CNIH3: variants seen among roughly 807,000 people sequenced by gnomAD.
CNIH3 encodes the protein protein cornichon homolog 3.
Under a neutral mutation model 24.1 loss-of-function variants are expected in CNIH3, and 14 were observed. The observed-to-expected ratio is 0.58, with a 90% confidence interval of 0.38 to 0.91. The LOEUF is 0.91. Among genes scored for constraint, CNIH3 ranks in the 40% least tolerant of loss-of-function variants. CNIH3 has a pLI of 0.00. For synonymous variants in CNIH3, 68 were observed against 73.8 expected (o/e 0.92, Z 0.40); for missense variants, 178 against 196.8 (o/e 0.90, Z 0.57).
chr1:224,648,688 A>G (rs1260785737), intron 1 of CNIH3, among the ~76,000 whole-genome samples: 1 of 152,158 alleles, frequency 6.6e-6, no homozygotes, highest in Non-Finnish European at 1.5e-5. Flanking sequence ...ACTTCCCCCC[A>G]TGATGTTTCT....
intron 3 of CNIH3, among the ~76,000 whole-genome samples, chr1:224,692,534 C>T (rs1009324790): frequency 6.6e-6 from 1 of 152,102 alleles, no homozygotes; most frequent in Non-Finnish European, 1.5e-5. Flanking sequence ...ATCCTTGACG[C>T]AGAAGTTTTC....
chr1:224,597,723 A>G (rs1472446750), intron 3 of CNIH3, among the ~76,000 whole-genome samples: 2 of 152,180 alleles, frequency 1.3e-5, no homozygotes, highest in Non-Finnish European at 2.9e-5. Flanking sequence ...CATATCCTTT[A>G]TAATAAACTG....
At chr1:224,606,959 G>T (rs1199310714) in intron 3 of CNIH3, among the ~76,000 whole-genome samples, 2 of 152,170 alleles carry the variant, frequency 1.3e-5, no homozygotes, top group Admixed American at 1.3e-4. Context: ...AAGCAGGAAG[G>T]GGGCTCAAAG....
intron 4 of CNIH3, among the ~76,000 whole-genome samples, chr1:224,577,977 C>G (rs1681107678): frequency 6.6e-6 from 1 of 150,522 alleles, no homozygotes; most frequent in South Asian, 2.1e-4. Context: ...AATGGAAAAC[C>G]AAACATCCTA....
rs1386292783 is a variant in CNIH3 at position 224,447,336 on chromosome 1, G to T, written n.203+12474G>T. 2.0e-5 allele frequency among the ~76,000 whole-genome samples: 3 copies of T among 152,292 alleles called. No homozygotes were observed. In the East Asian group the frequency reaches 5.8e-4, roughly 29 times the overall value. On this transcript the variant is annotated intron_variant and non_coding_transcript_variant, in intron 1 of 5. Coordinates refer to the CNIH3 transcript ENST00000471578. ...CCAAGGCCAGAGAGCCGGGAGTTCTGATGACTGAGGGCAGGAGTAGGAGAG... is the reference window on the plus strand; with the variant it reads ...CCAAGGCCAGAGAGCCGGGAGTTCTTATGACTGAGGGCAGGAGTAGGAGAG...
chr1:224,448,006 C>T (rs1675234908), intron 1 of CNIH3, among the ~76,000 whole-genome samples: 1 of 152,212 alleles, frequency 6.6e-6, no homozygotes, highest in East Asian at 1.9e-4. Flanking sequence ...CTGGCAGTCA[C>T]TAGAGCCCAT....
chr1:224,651,163 G>A (rs1684840448), intron 1 of CNIH3, among the ~76,000 whole-genome samples: 1 of 152,130 alleles, frequency 6.6e-6, no homozygotes, highest in Admixed American at 6.5e-5. Context: ...AATTTAGTGG[G>A]AAGTAGTGAG....
At chr1:224,463,536 G>A (rs1676017480) in intron 1 of CNIH3, among the ~76,000 whole-genome samples, 1 of 151,720 alleles carries the variant, frequency 6.6e-6, no homozygotes, top group Non-Finnish European at 1.5e-5. Context: ...AGCCTCCCGA[G>A]TAGCTGGGGT....
chr1:224,666,812 G>C (rs192624388), intron 1 of CNIH3, among the ~76,000 whole-genome samples: 1 of 152,322 alleles, frequency 6.6e-6, no homozygotes, highest in Admixed American at 6.5e-5. Flanking sequence ...ACTAGGAAAG[G>C]AATTCTAGAT....
At chr1:224,582,385 A>G (rs1681311896) in intron 4 of CNIH3, among the ~76,000 whole-genome samples, 1 of 152,196 alleles carries the variant, frequency 6.6e-6, no homozygotes, top group Non-Finnish European at 1.5e-5. Context: ...TGTCCATGAC[A>G]AGTATGTTAC....
intron 1 of CNIH3, among the ~76,000 whole-genome samples, chr1:224,651,064 GACAC>G (rs71772293): frequency 0.26 from 39,643 of 151,100 alleles, 5,382 homozygotes; most frequent in East Asian, 0.37. Flanking sequence ...GAGGGACATG[GACAC>G]ACACACACAC....
Position 224,739,681 on chromosome 1 carries a change from C to T in CNIH3, c.*325C>T, listed in dbSNP as rs1366961464. The stretch of plus-strand genomic sequence containing the variant: ...AGAGAGAATTGCTGCTTCCTGAATC[C>T]ACTTCATTGAACAGCACCTTGCAAG... On this transcript the variant is annotated 3_prime_UTR_variant, in exon 6 of 6. Coordinates refer to ENST00000272133, the MANE Select transcript of CNIH3 (RefSeq NM_152495.2). The T allele has an allele frequency of 2.3e-6, 1 of 429,536 alleles. No individual in the cohort carries two copies. Among genetic ancestry groups the T allele is most frequent in the Non-Finnish European group, 4.1e-6 (1 of 245,696 alleles). 26.6% of individuals were successfully genotyped at this position (429,536 alleles called of 1,614,324 possible). A position where few individuals can be genotyped will look rare whatever the true frequency, so the allele number is the denominator to read the frequency against.
At position 224,728,834 on chromosome 1, in the gene CNIH3, T is replaced by G. The variant is rs75052053; in HGVS notation, c.199-1628T>G. Among the ~76,000 whole-genome samples the G allele has an allele frequency of 4.7e-3, 722 of 152,382 alleles. 1 individual carries two copies. Among genetic ancestry groups the G allele is most frequent in the Admixed American group, 0.012 (183 of 15,304 alleles). On this transcript the variant is annotated intron_variant, in intron 3 of 5. Transcript: ENST00000272133. Reference sequence around the variant, plus strand: ...AAACATATGCACTTGGTCATTTCAATGCACTTTACCACGTATTTGTTAAGT... The same window carrying G: ...AAACATATGCACTTGGTCATTTCAAGGCACTTTACCACGTATTTGTTAAGT...
rs552227737 is a variant in CNIH3 at position 224,706,487 on chromosome 1, C to T, written c.198+21644C>T. Among the ~76,000 whole-genome samples the T allele has an allele frequency of 4.6e-5, 7 of 152,260 alleles. No individual in the cohort carries two copies. In the South Asian group the frequency reaches 6.2e-4, roughly 14 times the overall value. ...GCCTTGGGTCTGAGGAGTAACAGTG[C>T]GGAGATCTACCTGTCTTGTGGGTGC... On this transcript the variant is annotated intron_variant, in intron 3 of 5. Coordinates refer to ENST00000272133, the MANE Select transcript of CNIH3 (RefSeq NM_152495.2).
At chr1:224,514,447 C>T (rs1432072846), upstream of CNIH3, among the ~76,000 whole-genome samples, 1 of 152,130 alleles carries the variant, frequency 6.6e-6, no homozygotes, top group Non-Finnish European at 1.5e-5. Context: ...AATATCTACT[C>T]CTGTAAAACT....
intron 1 of CNIH3, among the ~76,000 whole-genome samples, chr1:224,484,755 C>A (rs899693565): frequency 6.6e-6 from 1 of 152,170 alleles, no homozygotes; most frequent in Non-Finnish European, 1.5e-5. Context: ...TTTTCTTCTG[C>A]AGTATCTACT....
chr1:224,487,625 T>C (rs1452889852), intron 1 of CNIH3, among the ~76,000 whole-genome samples: 1 of 152,228 alleles, frequency 6.6e-6, no homozygotes, highest in Admixed American at 6.5e-5. Context: ...TAAAGGCAAC[T>C]TCAAGCAAAA....
intron 3 of CNIH3, among the ~76,000 whole-genome samples, chr1:224,561,902 C>T (rs1680389095): frequency 6.6e-6 from 1 of 152,036 alleles, no homozygotes; most frequent in Non-Finnish European, 1.5e-5. Context: ...TAAGTTCAGG[C>T]CAAAAGAGAA....
At chr1:224,494,104 A>G (rs527415982) in intron 1 of CNIH3, among the ~76,000 whole-genome samples, 1 of 152,342 alleles carries the variant, frequency 6.6e-6, no homozygotes, top group East Asian at 1.9e-4. Flanking sequence ...ATTTTTAAAT[A>G]TGTCTTATCA....
Sources: allele counts gnomAD v4.1 joint callset (sites outside exome capture counted in the v4.1 genomes callset), GRCh38; gene constraint gnomAD v4.1.1; transcripts MANE v1.5; gene names NCBI Gene and HGNC (gene_info 2026-07-23, HGNC 2026-07-21).